PIEZO2: variants seen among roughly 807,000 people sequenced by gnomAD.
PIEZO2 encodes the protein piezo-type mechanosensitive ion channel component 2.
PIEZO2 carries 172 observed loss-of-function variants against 337.3 expected under a neutral mutation model. The observed-to-expected ratio is 0.51, with a 90% CI of 0.45 to 0.58. PIEZO2 has a LOEUF of 0.58. Ranked by LOEUF, PIEZO2 falls within the 20% of genes least tolerant of loss-of-function variation. The pLI, the probability that PIEZO2 is intolerant of heterozygous loss-of-function variation, is 0.00. For synonymous variants in PIEZO2, 1,251 were observed against 1,228.5 expected (o/e 1.02, Z -0.38); for missense variants, 3,028 against 3,391.3 (o/e 0.89, Z 2.66).
At chr18:10,941,066 C>T (rs796302758) in intron 3 of PIEZO2, among the ~76,000 whole-genome samples, 12 of 152,214 alleles carry the variant, frequency 7.9e-5, no homozygotes, top group African/African-American at 2.9e-4. Flanking sequence ...TCAATTGTCT[C>T]AAAATTTAAA....
chr18:10,775,265 A>G lies in PIEZO2; in HGVS notation c.2535-1227T>C, dbSNP rs896559801. Among the ~76,000 whole-genome samples, 1 of 152,156 alleles carries G rather than the reference A, an allele frequency of 6.6e-6. No individual in the cohort carries two copies. The highest frequency in any genetic ancestry group is 1.5e-5 in the Non-Finnish European group (1 of 68,032). ...TTAGCTACTCTTAAAATTGCAACCCATATCTTCTATACCAGTGCCACACAC... is the reference window on the plus strand; with the variant it reads ...TTAGCTACTCTTAAAATTGCAACCCGTATCTTCTATACCAGTGCCACACAC... On this transcript the variant is annotated intron_variant, in intron 18 of 55. Transcript: ENST00000674853. The surrounding 1 kb of genome is among the most constrained non-coding windows in gnomAD (Gnocchi z 4.3).
chr18:11,071,621 GA>G (rs772610606), intron 1 of PIEZO2, among the ~76,000 whole-genome samples: 2 of 152,226 alleles, frequency 1.3e-5, no homozygotes, highest in Non-Finnish European at 2.9e-5. Context: ...CAGCCTAGGG[GA>G]AGGGAGGCTT....
intron 2 of PIEZO2, among the ~76,000 whole-genome samples, chr18:10,987,769 G>T (rs1044818729): frequency 6.6e-6 from 1 of 151,888 alleles, no homozygotes; most frequent in Non-Finnish European, 1.5e-5. Flanking sequence ...ATAGGGAATT[G>T]GAGACAATAC....
chr18:10,980,449 G>A lies in PIEZO2; in HGVS notation c.161-789C>T, dbSNP rs1479294825. 6.6e-6 allele frequency among the ~76,000 whole-genome samples: 1 copy of A among 152,136 alleles called. No individual in the cohort carries two copies. The highest frequency in any genetic ancestry group is 2.4e-5 in the African/African-American group (1 of 41,424). On this transcript the variant is annotated intron_variant, in intron 2 of 55. Coordinates refer to ENST00000674853, the MANE Select transcript of PIEZO2 (RefSeq NM_001378183.1). The surrounding 1 kb of genome is among the most constrained non-coding windows in gnomAD (Gnocchi z 4.8). ...TGGAATTTTAGACTTAGTCCCACCA[G>A]TATCAGAGAATGATCAAGGCCACTT... is the stretch of plus-strand genomic sequence containing the variant.
intron 1 of PIEZO2, among the ~76,000 whole-genome samples, chr18:11,117,020 A>C (rs2039910463): frequency 6.6e-6 from 1 of 152,008 alleles, no homozygotes; most frequent in Admixed American, 6.5e-5. Flanking sequence ...GAGGCAAGAG[A>C]ATCATTTGAA....
rs1204353127 is a variant in PIEZO2 at position 10,969,461 on chromosome 18, C to T, written c.286+10074G>A. Among the ~76,000 whole-genome samples the T allele has an allele frequency of 6.6e-6, 1 of 152,060 alleles. No individual in the cohort carries two copies. The highest frequency in any genetic ancestry group is 2.4e-5 in the African/African-American group (1 of 41,404). On this transcript the variant is annotated intron_variant, in intron 3 of 55. Coordinates refer to ENST00000674853, the MANE Select transcript of PIEZO2 (RefSeq NM_001378183.1). This position sits in a 1 kb window ranked among gnomAD's most constrained non-coding sequence, Gnocchi z 4.5. ...CTTCTGCCCTCACTTCTTATTGAGA[C>T]CTCCTTGTTAAAGCACAGTCCCACA... is the stretch of plus-strand genomic sequence containing the variant.
intron 2 of PIEZO2, among the ~76,000 whole-genome samples, chr18:11,005,509 G>C (rs1035354053): frequency 1.3e-5 from 2 of 152,122 alleles, no homozygotes; most frequent in South Asian, 4.1e-4. Flanking sequence ...ATCAAGGAGC[G>C]GTATCAGGGA....
At chr18:10,694,205 T>A (rs1479821220) in intron 47 of PIEZO2, among the ~76,000 whole-genome samples, 4 of 151,722 alleles carry the variant, frequency 2.6e-5, no homozygotes, top group African/African-American at 9.7e-5. Context: ...ATAATAATTT[T>A]TATAATTATT....
intron 3 of PIEZO2, among the ~76,000 whole-genome samples, chr18:10,927,420 C>T: frequency 6.6e-6 from 1 of 152,108 alleles, no homozygotes; most frequent in East Asian, 1.9e-4. Flanking sequence ...GGGTGGGGGA[C>T]GCCTTGGCTC....
At position 10,812,055 on chromosome 18, in the gene PIEZO2, G is replaced by T. The variant is rs113854125; in HGVS notation, c.918-4781C>A. Among the ~76,000 whole-genome samples, 3 of 152,288 alleles carry T rather than the reference G, an allele frequency of 2.0e-5. No individual in the cohort carries two copies. In the East Asian group the frequency reaches 5.8e-4, roughly 29 times the overall value. On this transcript the variant is annotated intron_variant, in intron 7 of 55. Transcript: ENST00000674853. The stretch of plus-strand genomic sequence containing the variant: ...TCACCGTGTTAGCCAGGATGGTCTC[G>T]ATCTCCTGACCTCGTGATCTGCCCG...
Position 10,894,772 on chromosome 18 carries a change from C to A in PIEZO2, c.329+16414G>T, listed in dbSNP as rs1204699800. On this transcript the variant is annotated intron_variant, in intron 4 of 55. Transcript: ENST00000674853. This position sits in a 1 kb window ranked among gnomAD's most constrained non-coding sequence, Gnocchi z 4.1. ...GTAATTTACTTTCGTTTCATTCCTG[C>A]TCTAAAGCTTTTTAATAAATGTTCA... is the stretch of plus-strand genomic sequence containing the variant. The A allele has an allele frequency of 6.6e-6, 1 of 152,240 alleles. No homozygotes were observed. The highest frequency in any genetic ancestry group is 1.5e-5 in the Non-Finnish European group (1 of 68,048). 9.4% of individuals were successfully genotyped at this position (152,240 alleles called of 1,614,324 possible). A position where few individuals can be genotyped will look rare whatever the true frequency, so the allele number is the denominator to read the frequency against.
At chr18:11,037,311 T>C (rs1033329482) in intron 2 of PIEZO2, among the ~76,000 whole-genome samples, 1 of 152,192 alleles carries the variant, frequency 6.6e-6, no homozygotes, top group African/African-American at 2.4e-5. Flanking sequence ...ACTTAAAAGA[T>C]GTATCCTAGA....
chr18:10,851,732 G>A (rs966649430), intron 7 of PIEZO2, among the ~76,000 whole-genome samples: 1 of 152,122 alleles, frequency 6.6e-6, no homozygotes, highest in Non-Finnish European at 1.5e-5. Context: ...TGTATTTGTA[G>A]TTTTACTGAA....
In PIEZO2 at chr18:10,861,752, T is replaced by C. The variant is rs1216151844; in HGVS notation, c.493-4541A>G. Among the ~76,000 whole-genome samples, 1 of 152,254 alleles carries C rather than the reference T, an allele frequency of 6.6e-6. No homozygotes were observed. Among genetic ancestry groups the C allele is most frequent in the Admixed American group, 6.5e-5 (1 of 15,284 alleles). ...AAAATAGTTGGCCGGGCACAGTGGTTCATGCCTATAATCCCAGCACCTTGG... is the reference window on the plus strand; with the variant it reads ...AAAATAGTTGGCCGGGCACAGTGGTCCATGCCTATAATCCCAGCACCTTGG... On this transcript the variant is annotated intron_variant, in intron 5 of 55. Coordinates refer to ENST00000674853, the MANE Select transcript of PIEZO2 (RefSeq NM_001378183.1). The surrounding 1 kb of genome is among the most constrained non-coding windows in gnomAD (Gnocchi z 4.3).
chr18:10,720,280 TATATC>T (rs1359992723), intron 36 of PIEZO2, among the ~76,000 whole-genome samples: 3 of 131,770 alleles, frequency 2.3e-5, no homozygotes, highest in East Asian at 2.4e-4. Flanking sequence ...AGAGAATACA[TATATC>T]ATATGTATAT....
chr18:10,760,295 G>T (rs1019034386), intron 24 of PIEZO2, among the ~76,000 whole-genome samples: 1 of 152,132 alleles, frequency 6.6e-6, no homozygotes, highest in African/African-American at 2.4e-5. Context: ...AAAGAAAGAA[G>T]ATTAATACTT....
chr18:10,910,788 A>G (rs1228513459), intron 4 of PIEZO2, among the ~76,000 whole-genome samples: 2 of 152,108 alleles, frequency 1.3e-5, no homozygotes, highest in Non-Finnish European at 1.5e-5. Context: ...ATTTTTAATA[A>G]TTGGGAAGAC....
chr18:10,724,807 C>T lies in PIEZO2; in HGVS notation c.5030-6548G>A. 2 of 1,589,486 alleles carry T rather than the reference C, an allele frequency of 1.3e-6. No individual in the cohort carries two copies. Among genetic ancestry groups the T allele is most frequent in the Non-Finnish European group, 1.7e-6 (2 of 1,166,272 alleles). On this transcript the variant is annotated intron_variant, in intron 36 of 55. Transcript: ENST00000674853. The surrounding 1 kb of genome is among the most constrained non-coding windows in gnomAD (Gnocchi z 5.8). ...AGCACTGCAGCCCCAGCCTGAGCAG[C>T]AGTCGTTCTCACAGATGCACCTGGG...
rs544386181 is a variant in PIEZO2 at position 11,069,575 on chromosome 18, C to A, written c.65-3353G>T. Among the ~76,000 whole-genome samples the A allele has an allele frequency of 9.2e-5, 14 of 152,268 alleles. No homozygotes were observed. The highest frequency in any genetic ancestry group is 3.4e-4 in the African/African-American group (14 of 41,552). On this transcript the variant is annotated intron_variant, in intron 1 of 55. Transcript: ENST00000674853. The surrounding 1 kb of genome is among the most constrained non-coding windows in gnomAD (Gnocchi z 4.9). ...ACACACACACAGCTAATATCACACT[C>A]AACAATGACAATTTAAAGCTTTTCT...
Sources: gnomAD v4.1 joint callset for allele counts (sites outside exome capture counted in the v4.1 genomes callset) on GRCh38, gnomAD v4.1.1 for gene constraint, Gnocchi (gnomAD v3.1) non-coding constraint, MANE v1.5 for transcripts, NCBI Gene and HGNC (gene_info 2026-07-23, HGNC 2026-07-21) for gene names.